HEATR5B: variants seen among roughly 807,000 people sequenced by gnomAD.
HEATR5B encodes HEAT repeat-containing protein 5B.
In HEATR5B, 156 loss-of-function variants were observed where a neutral mutation model predicts 224.1. The ratio of observed to expected loss-of-function variants is 0.70; its 90% CI spans 0.61 to 0.80. The LOEUF is 0.80. HEATR5B is among the 30% of genes least tolerant of loss of function. The pLI is 0.00. For synonymous variants in HEATR5B, 1,027 were observed against 893.0 expected, an observed-to-expected ratio of 1.15 and a Z score of -2.68; for missense variants, 2,323 against 2,535.5, an observed-to-expected ratio of 0.92 and a Z score of 1.80.
intron 33 of HEATR5B, among the ~76,000 whole-genome samples, chr2:36,993,175 TG>T (rs1191762907): frequency 6.6e-6 from 1 of 151,904 alleles, no homozygotes; most frequent in African/African-American, 2.4e-5. Flanking sequence ...CTAGAAAGTA[TG>T]GAAGTGCTCA....
chr2:37,072,378 C>T, intron 5 of HEATR5B, 97 bp from the exon 6 acceptor site: 6 of 739,176 alleles, frequency 8.1e-6, no homozygotes, highest in Non-Finnish European at 1.3e-5. Context: ...CTGAGATAAC[C>T]AAAAAACTCG....
chr2:37,025,872 A>C (rs1365948524), intron 24 of HEATR5B, among the ~76,000 whole-genome samples: 1 of 152,174 alleles, frequency 6.6e-6, no homozygotes, highest in Non-Finnish European at 1.5e-5. Context: ...TTATTTATTT[A>C]TTTGGCAATC....
chr2:37,025,355 T>G (rs1668703339), intron 24 of HEATR5B, among the ~76,000 whole-genome samples: 1 of 151,730 alleles, frequency 6.6e-6, no homozygotes, highest in Non-Finnish European at 1.5e-5. Context: ...TTCAAGAATA[T>G]ATAAACAATT....
chr2:36,981,511 C>A lies in HEATR5B; in HGVS notation c.6195G>T (p.Lys2065Asn). ...APAIHSAPTI[K>N]LKTSFF Reference sequence around the variant, plus strand: ...CAAATTAAAAAAAACTTGTTTTTAGCTTAATTGTTGGTGCAGAATGTATGG... The same window carrying A: ...CAAATTAAAAAAAACTTGTTTTTAGATTAATTGTTGGTGCAGAATGTATGG... Residue 2065 changes from lysine (K) to asparagine (N), a missense_variant, in exon 36 of 36, where the codon AAG becomes AAT. This residue lies in a region of HEATR5B where 844 missense variants were observed against 812.9 expected (regional missense o/e 1.04). Coordinates refer to ENST00000233099, the MANE Select transcript of HEATR5B (RefSeq NM_019024.3). 6.3e-7 allele frequency: 1 copy of A among 1,597,592 alleles called. No individual in the cohort carries two copies. The highest frequency in any genetic ancestry group is 2.2e-5 in the East Asian group (1 of 44,734).
intron 21 of HEATR5B, among the ~76,000 whole-genome samples, chr2:37,033,556 C>G (rs1365023347): frequency 6.6e-6 from 1 of 152,158 alleles, no homozygotes; most frequent in East Asian, 1.9e-4. Flanking sequence ...CAAACATAAT[C>G]ACCTGAAAAA....
At chr2:37,069,192 T>C (rs1438899269) in intron 7 of HEATR5B, among the ~76,000 whole-genome samples, 1 of 152,214 alleles carries the variant, frequency 6.6e-6, no homozygotes. Flanking sequence ...GAAGGGAAGC[T>C]GAATTTACCC....
At chr2:37,081,536 CCTAAG>C (rs1482104754) in intron 2 of HEATR5B, among the ~76,000 whole-genome samples, 1 of 152,148 alleles carries the variant, frequency 6.6e-6, no homozygotes, top group Admixed American at 6.5e-5. Flanking sequence ...CACAGGACCC[CCTAAG>C]AGATCACGGT....
At chr2:37,083,187 T>G (rs751339319) in intron 2 of HEATR5B, 102 bp downstream of exon 2, 6 of 1,309,652 alleles carry the variant, frequency 4.6e-6, no homozygotes, top group Non-Finnish European at 6.6e-6. Context: ...GTTCCATAAG[T>G]GACCCATAAA....
chr2:37,002,207 TAAGA>T, intron 32 of HEATR5B, 95 bp downstream of exon 32: 7 of 1,299,982 alleles, frequency 5.4e-6, no homozygotes, highest in Non-Finnish European at 6.4e-6. Context: ...ACTTGAGATT[TAAGA>T]GGAAACTGGG....
chr2:37,034,526 T>C (rs1669351633), intron 21 of HEATR5B, among the ~76,000 whole-genome samples: 1 of 133,300 alleles, frequency 7.5e-6, no homozygotes, highest in Admixed American at 8.3e-5. Flanking sequence ...GGCAGGAGAA[T>C]GGCGTGAACC....
rs569905019 is a variant in HEATR5B at position 37,068,684 on chromosome 2, C to A, written c.1174G>T (p.Val392Leu). 1 of 1,613,882 alleles carries A rather than the reference C, an allele frequency of 6.2e-7. No homozygotes were observed. Among genetic ancestry groups the A allele is most frequent in the African/African-American group, 1.3e-5 (1 of 75,026 alleles). The change falls in exon 8 of 36, where the codon GTA (valine) becomes TTA (leucine). Residue 392 changes from valine to leucine, a missense_variant. Val to Leu is a conservative substitution (Grantham distance 32). Transcript: ENST00000233099. ...CQAIGKQMKA[V>L]EAVVNDTSGE... Reference sequence around the variant, plus strand: ...ACATAATGATACTGATTCTTACCTACGGCTTTCATTTGTTTTCCAATAGCT... The same window carrying A: ...ACATAATGATACTGATTCTTACCTAAGGCTTTCATTTGTTTTCCAATAGCT...
chr2:37,007,564 C>G (rs1667510664), intron 28 of HEATR5B, among the ~76,000 whole-genome samples: 1 of 151,930 alleles, frequency 6.6e-6, no homozygotes, highest in African/African-American at 2.4e-5. Flanking sequence ...AGGCTGGTCT[C>G]AAACTCTCAA....
At chr2:37,043,774 A>G (rs1670020285) in intron 18 of HEATR5B, among the ~76,000 whole-genome samples, 1 of 152,224 alleles carries the variant, frequency 6.6e-6, no homozygotes, top group Non-Finnish European at 1.5e-5. Flanking sequence ...GCTTATGTTG[A>G]GAAAAAAAGT....
Position 37,053,550 on chromosome 2 carries a change from C to T in HEATR5B, c.2457G>A (p.Gln819=), listed in dbSNP as rs1321495556. The change falls in exon 17 of 36, where the codon CAG becomes CAA. Residue 819 remains glutamine (Q), a synonymous_variant. Coordinates refer to ENST00000233099, the MANE Select transcript of HEATR5B (RefSeq NM_019024.3). The part of the protein sequence containing the change: ...ECVKQAKGVR[Q]QAVQLNIFTA... ...TAAATATGTTAAGCTGCACAGCCTGCTGGCGGACACCTTTAGCTTGTTTAA... is the reference window on the plus strand; with the variant it reads ...TAAATATGTTAAGCTGCACAGCCTGTTGGCGGACACCTTTAGCTTGTTTAA... The T allele has an allele frequency of 2.5e-6, 4 of 1,610,450 alleles. No homozygotes were observed. The highest frequency in any genetic ancestry group is 1.1e-5 in the South Asian group (1 of 90,722).
chr2:37,046,916 G>A (rs1215711307), intron 18 of HEATR5B, among the ~76,000 whole-genome samples: 1 of 151,352 alleles, frequency 6.6e-6, no homozygotes, highest in Non-Finnish European at 1.5e-5. Flanking sequence ...TGGGCATGGT[G>A]GCCTGCACCT....
In HEATR5B at chr2:37,020,852, G is replaced by T; in HGVS notation, c.3854-16C>A. ...AAGAGGTCATCTAAAAATAAAAATA[G>T]AATGCAAAAATGAAAACTTTTCCAA... is the stretch of plus-strand genomic sequence containing the variant. On this transcript the variant is annotated splice_polypyrimidine_tract_variant and intron_variant, in intron 24 of 35. Coordinates refer to ENST00000233099, the MANE Select transcript of HEATR5B (RefSeq NM_019024.3). The T allele has an allele frequency of 1.4e-6, 2 of 1,427,920 alleles. No homozygotes were observed. The highest frequency in any genetic ancestry group is 9.3e-7 in the Non-Finnish European group (1 of 1,075,702). The allele number at this position is 1,427,920 out of a possible 1,614,324, so 88.5% of individuals were successfully genotyped here. A position where few individuals can be genotyped will look rare whatever the true frequency, so the allele number is the denominator to read the frequency against.
rs1307452457 is a variant in HEATR5B, at chr2:37,068,240, A to C, written c.1177+441T>G. 3.3e-5 allele frequency among the ~76,000 whole-genome samples: 5 copies of C among 152,220 alleles called. No individual in the cohort carries two copies. In the East Asian group the frequency reaches 9.6e-4, roughly 29 times the overall value. ...TGTAATTATGTATAACTGAGGTTTC[A>C]CAGTACATCTTACAGCGGGCTAATA... On this transcript the variant is annotated intron_variant, in intron 8 of 35. Transcript: ENST00000233099.
chr2:36,997,709 G>GACAT, intron 33 of HEATR5B, among the ~76,000 whole-genome samples: 1 of 151,690 alleles, frequency 6.6e-6, no homozygotes, highest in Non-Finnish European at 1.5e-5. Context: ...TGGGACTACA[G>GACAT]GCGCCCGCCA....
At position 37,083,236 on chromosome 2, in the gene HEATR5B, AC is replaced by A; in HGVS notation, c.126+52del. On this transcript the variant is annotated intron_variant, in intron 2 of 35. Transcript: ENST00000233099. ...AACATGTGTTTTCTTAAGAATCATG[AC>A]CACATAATCTCTTCACGTTAATGCA... 5 of 1,599,928 alleles carry A rather than the reference AC, an allele frequency of 3.1e-6. No homozygotes were observed. In the South Asian group the frequency reaches 4.4e-5, roughly 14 times the overall value.
Sources: gnomAD v4.1 joint callset for allele counts (sites outside exome capture counted in the v4.1 genomes callset) on GRCh38, gnomAD v4.1.1 for gene constraint, gnomAD v4.1.1 regional missense constraint, MANE v1.5 for transcripts, NCBI Gene and HGNC (gene_info 2026-07-23, HGNC 2026-07-21) for gene names.